The following IPO8 variants were observed in gnomAD, a reference collection of about 807,000 sequenced individuals.
The protein encoded by IPO8 is importin 8.
In IPO8, 65 loss-of-function variants were observed where a neutral mutation model predicts 141.2. That is an observed-to-expected ratio of 0.46 (90% confidence interval 0.38 to 0.57). The LOEUF is 0.57. Ranked by LOEUF, IPO8 falls within the 20% of genes least tolerant of loss-of-function variation. The pLI, the probability that IPO8 is intolerant of heterozygous loss-of-function variation, is 0.00. For synonymous variants in IPO8, 411 were observed against 420.3 expected (o/e 0.98, Z 0.27); for missense variants, 980 against 1,246.8 (o/e 0.79, Z 3.22).
chr12:30,694,702 T>G (rs923471541), intron 1 of IPO8, among the ~76,000 whole-genome samples: 1 of 152,220 alleles, frequency 6.6e-6, no homozygotes, highest in Non-Finnish European at 1.5e-5. Flanking sequence ...CAGCTGATTT[T>G]GGAATATTTA....
intron 17 of IPO8, among the ~76,000 whole-genome samples, chr12:30,655,310 T>A (rs1194776430): frequency 1.3e-5 from 2 of 152,236 alleles, no homozygotes; most frequent in Non-Finnish European, 2.9e-5. Flanking sequence ...CTGGTCTTTT[T>A]ACTGAAAGAT....
chr12:30,685,498 T>C (rs975590543), intron 2 of IPO8, among the ~76,000 whole-genome samples: 2 of 131,116 alleles, frequency 1.5e-5, no homozygotes, highest in African/African-American at 6.0e-5. Context: ...ATACTTATAA[T>C]GTTGTGTGTG....
chr12:30,672,106 T>C (rs998813429), intron 8 of IPO8, among the ~76,000 whole-genome samples: 3 of 152,196 alleles, frequency 2.0e-5, no homozygotes, highest in African/African-American at 7.2e-5. Flanking sequence ...AAAGCACCTC[T>C]GAACTGGCTC....
intron 1 of IPO8, among the ~76,000 whole-genome samples, chr12:30,693,283 CTACAAA>C (rs1239892985): frequency 2.0e-5 from 3 of 152,256 alleles, no homozygotes; most frequent in African/African-American, 7.2e-5. Flanking sequence ...TGAGATAAAA[CTACAAA>C]TACATTTTCC....
chr12:30,635,700 C>A (rs1345713276), intron 22 of IPO8, among the ~76,000 whole-genome samples: 1 of 152,060 alleles, frequency 6.6e-6, no homozygotes, highest in Admixed American at 6.6e-5. Flanking sequence ...CTATTAGACA[C>A]ACCATATTGA....
At chr12:30,647,747 G>A (rs886196420) in intron 20 of IPO8, among the ~76,000 whole-genome samples, 6 of 151,462 alleles carry the variant, frequency 4.0e-5, no homozygotes, top group South Asian at 4.2e-4. Flanking sequence ...AATGATACCC[G>A]ATAACAGGCT....
chr12:30,653,245 G>A (rs373700863), intron 17 of IPO8, among the ~76,000 whole-genome samples, 153 bp from the exon 18 acceptor site: 12 of 151,946 alleles, frequency 7.9e-5, no homozygotes, highest in South Asian at 2.1e-4. Flanking sequence ...TTGTATCTTC[G>A]GCTATGTATC....
intron 16 of IPO8, among the ~76,000 whole-genome samples, chr12:30,660,415 T>C (rs915972703): frequency 2.9e-4 from 44 of 152,300 alleles, no homozygotes; most frequent in African/African-American, 1.0e-3. Context: ...GGGGATAAAC[T>C]GATACATTAT....
chr12:30,681,003 TG>T (rs1378054539), intron 4 of IPO8, among the ~76,000 whole-genome samples: 2 of 152,136 alleles, frequency 1.3e-5, no homozygotes, highest in Admixed American at 6.6e-5. Flanking sequence ...ACAAATAATA[TG>T]GGGGGAATTT....
intron 8 of IPO8, among the ~76,000 whole-genome samples, chr12:30,672,211 C>T (rs2053061361): frequency 6.6e-6 from 1 of 152,082 alleles, no homozygotes; most frequent in Non-Finnish European, 1.5e-5. Context: ...AAGTGAGTTG[C>T]TGAATAAATA....
chr12:30,665,331 C>T, intron 12 of IPO8, 22 bp from the exon 13 acceptor site: 1 of 1,344,966 alleles, frequency 7.4e-7, no homozygotes, highest in Non-Finnish European at 1.1e-6. Context: ...CAAATTTCAA[C>T]TTATCAATTT....
chr12:30,690,687 A>C (rs2053283723), intron 1 of IPO8, 110 bp from the exon 2 acceptor site: 1 of 566,248 alleles, frequency 1.8e-6, no homozygotes, highest in Admixed American at 3.1e-5. Flanking sequence ...AAAACTTTTA[A>C]ACTGAGACAA....
Position 30,639,727 on chromosome 12 carries a change from T to G in IPO8, c.2277A>C (p.Pro759=). ...CKGRGIDQCI[P]LFVQLVLERL... is the part of the protein sequence containing the mutation. Reference sequence around the variant, plus strand: ...TCTCCAAAACAAGTTGAACGAAGAGTGGAATGCACTAGAAGACAAGCAAAA... The same window carrying G: ...TCTCCAAAACAAGTTGAACGAAGAGGGGAATGCACTAGAAGACAAGCAAAA... The change falls in exon 21 of 25, where the codon CCA becomes CCC. Residue 759 remains proline (P), a synonymous_variant. Coordinates refer to ENST00000256079, the MANE Select transcript of IPO8 (RefSeq NM_006390.4). The G allele has an allele frequency of 6.2e-7, 1 of 1,613,074 alleles. No individual in the cohort carries two copies. Among genetic ancestry groups the G allele is most frequent in the Non-Finnish European group, 8.5e-7 (1 of 1,179,528 alleles).
chr12:30,661,920 T>TA (rs1398788903), intron 15 of IPO8, among the ~76,000 whole-genome samples: 2 of 152,216 alleles, frequency 1.3e-5, no homozygotes, highest in Non-Finnish European at 2.9e-5. Context: ...ATAATTTTTT[T>TA]ATCAATATTT....
At position 30,680,607 on chromosome 12, in the gene IPO8, T is replaced by C. The variant is rs752596983; in HGVS notation, c.514A>G (p.Ile172Val). 3 of 1,612,042 alleles carry C rather than the reference T, an allele frequency of 1.9e-6. No individual in the cohort carries two copies. Among genetic ancestry groups the C allele is most frequent in the South Asian group, 2.2e-5 (2 of 90,704 alleles). Reference protein sequence around the residue: ...YKKAEEREPLIIAMQIFLPRI... With the variant: ...YKKAEEREPLVIAMQIFLPRI... ...GGCAGGAATATCTGCATTGCTATTA[T>C]AAGAGGTTCTCTCTCTTCTGCTTTC... The change falls in exon 5 of 25, where the codon ATA becomes GTA. Residue 172 changes from isoleucine (I) to valine (V), a missense_variant. Transcript: ENST00000256079.
At chr12:30,651,542 T>C (rs1320801942) in intron 19 of IPO8, among the ~76,000 whole-genome samples, 3 of 152,082 alleles carry the variant, frequency 2.0e-5, no homozygotes, top group African/African-American at 7.2e-5. Context: ...CTTTATGCAA[T>C]ATAGTTTCAG....
In IPO8 at chr12:30,680,473, G is replaced by A; in HGVS notation, c.639+9C>T. On this transcript the variant is annotated intron_variant, in intron 5 of 24. Coordinates refer to ENST00000256079, the MANE Select transcript of IPO8 (RefSeq NM_006390.4). ...GACTCCATGTTTGTTTTCTGCAATA[G>A]AAACCTACCTGAACAAGTGCATAAA... 1 of 1,601,878 alleles carries A rather than the reference G, an allele frequency of 6.2e-7. No homozygotes were observed. The highest frequency in any genetic ancestry group is 1.1e-5 in the South Asian group (1 of 88,622).
At chr12:30,684,547 T>A in intron 2 of IPO8, 90 bp from the exon 3 acceptor site, 1 of 1,286,812 alleles carries the variant, frequency 7.8e-7, no homozygotes, top group Non-Finnish European at 1.1e-6. Flanking sequence ...AACCCTTCAA[T>A]GTTAAACATG....
chr12:30,650,732 A>C (rs1211544496), intron 19 of IPO8, among the ~76,000 whole-genome samples: 3 of 152,124 alleles, frequency 2.0e-5, no homozygotes, highest in Non-Finnish European at 4.4e-5. Context: ...TTGGTTTGCC[A>C]AAAGGAAAGA....
Sources: gnomAD v4.1 joint callset for allele counts (sites outside exome capture counted in the v4.1 genomes callset) on GRCh38, gnomAD v4.1.1 for gene constraint, MANE v1.5 for transcripts, NCBI Gene and HGNC (gene_info 2026-07-23, HGNC 2026-07-21) for gene names.